Variants in AOPEP observed in about 807,000 individuals in gnomAD.
The protein encoded by AOPEP is aminopeptidase O.
AOPEP carries 77 observed loss-of-function variants against 98.1 expected under a neutral mutation model. That is an observed-to-expected ratio of 0.78 (90% confidence interval 0.65 to 0.95). AOPEP has a LOEUF of 0.95. Among genes scored for constraint, AOPEP ranks in the 40% least tolerant of loss-of-function variants. AOPEP has a pLI of 0.00. For missense variants in AOPEP, 1,024 were observed against 1,024.7 expected (o/e 1.00, Z 0.01); for synonymous variants, 346 against 365.3 (o/e 0.95, Z 0.60).
At position 94,794,009 on chromosome 9, in the gene AOPEP, C is replaced by T. The variant is rs554967309; in HGVS notation, c.1118+1091C>T. On this transcript the variant is annotated intron_variant, in intron 4 of 16. Transcript: ENST00000375315. ...CATCTCCCTCAGTGGGGCTAGTCGCCGCTTTAGGAGCACAGGACACAAGGA... is the reference window on the plus strand; with the variant it reads ...CATCTCCCTCAGTGGGGCTAGTCGCTGCTTTAGGAGCACAGGACACAAGGA... 7.9e-5 allele frequency among the ~76,000 whole-genome samples: 12 copies of T among 152,308 alleles called. No homozygotes were observed. The East Asian group carries it at 1.7e-3, about 22-fold the overall frequency.
chr9:94,822,009 A>ACACACACACACACACACG (rs1554726861), intron 5 of AOPEP, among the ~76,000 whole-genome samples: 4 of 149,770 alleles, frequency 2.7e-5, no homozygotes, highest in African/African-American at 9.8e-5. Context: ...ACACACACAC[A>ACACACACACACACACACG]CACGCAGGCA....
chr9:94,785,465 A>G (rs1017001348), intron 3 of AOPEP, among the ~76,000 whole-genome samples: 13 of 152,222 alleles, frequency 8.5e-5, no homozygotes, highest in Non-Finnish European at 4.4e-5. Flanking sequence ...ATACAGTCCA[A>G]TAGGAGAAAG....
intron 1 of AOPEP, among the ~76,000 whole-genome samples, chr9:94,738,576 A>G (rs1267261846): frequency 2.0e-5 from 3 of 152,072 alleles, no homozygotes; most frequent in African/African-American, 7.2e-5. Context: ...AAAAATTATT[A>G]TTATTATTTT....
At chr9:95,121,097 T>C in the AOPEP span, among the ~76,000 whole-genome samples, 1 of 152,318 alleles carries the variant, frequency 6.6e-6, no homozygotes, top group South Asian at 2.1e-4. Context: ...TGCCTTCAAA[T>C]AGATTTTTAA....
In AOPEP at chr9:95,028,070, G is replaced by A. The variant is rs575829671; in HGVS notation, c.2115+22454G>A. 1.1e-4 allele frequency among the ~76,000 whole-genome samples: 16 copies of A among 152,308 alleles called. No homozygotes were observed. The South Asian group carries it at 3.3e-3, about 32-fold the overall frequency. The stretch of plus-strand genomic sequence containing the variant: ...GTCCAAATATTCTGAAGCGGGGCAT[G>A]CAGTCTGTCAAGAGGAAAAGATGAG... On this transcript the variant is annotated intron_variant, in intron 13 of 16. Transcript: ENST00000375315.
chr9:95,004,203 G>C (rs1255312528), intron 11 of AOPEP: 2 of 456,068 alleles, frequency 4.4e-6, no homozygotes, highest in Admixed American at 4.7e-5. Flanking sequence ...CTCACCGGCA[G>C]GCGGGTTCCA....
At chr9:95,077,403 C>T (rs1220376277) in intron 14 of AOPEP, among the ~76,000 whole-genome samples, 7 of 152,196 alleles carry the variant, frequency 4.6e-5, no homozygotes, top group Admixed American at 1.3e-4. Context: ...GTCGCCCCGC[C>T]AGGATGCTGC....
the AOPEP span, chr9:95,126,580 G>T: frequency 6.2e-7 from 1 of 1,613,994 alleles, no homozygotes; most frequent in South Asian, 1.1e-5. Flanking sequence ...GGCTGCTTGA[G>T]GCTGTAAAAG....
chr9:94,854,176 G>A (rs2043902955), intron 5 of AOPEP, among the ~76,000 whole-genome samples: 1 of 152,188 alleles, frequency 6.6e-6, no homozygotes, highest in Non-Finnish European at 1.5e-5. Flanking sequence ...AGAATATGGT[G>A]GACGGCAGTA....
At chr9:94,937,701 T>C (rs2056472192) in intron 7 of AOPEP, among the ~76,000 whole-genome samples, 1 of 151,682 alleles carries the variant, frequency 6.6e-6, no homozygotes, top group Admixed American at 6.6e-5. Flanking sequence ...ACAGATTGCA[T>C]TGCCTTCCCA....
the AOPEP span, among the ~76,000 whole-genome samples, chr9:95,108,442 T>C: frequency 6.6e-6 from 1 of 152,212 alleles, no homozygotes; most frequent in Non-Finnish European, 1.5e-5. Context: ...ATCTGTTTTT[T>C]CTCTTGACCC....
At chr9:95,003,151 T>C (rs1156787421) in intron 11 of AOPEP, among the ~76,000 whole-genome samples, 1 of 149,696 alleles carries the variant, frequency 6.7e-6, no homozygotes, top group Non-Finnish European at 1.5e-5. Flanking sequence ...AATGTGTGTG[T>C]GTGTGTGTGT....
At chr9:94,871,014 C>T (rs1241118396) in intron 5 of AOPEP, among the ~76,000 whole-genome samples, 1 of 152,164 alleles carries the variant, frequency 6.6e-6, no homozygotes, top group Non-Finnish European at 1.5e-5. Flanking sequence ...CTTTCCACTC[C>T]TTTTTCAGCC....
intron 5 of AOPEP, among the ~76,000 whole-genome samples, chr9:94,849,154 G>T (rs2043220886): frequency 6.6e-6 from 1 of 152,216 alleles, no homozygotes; most frequent in South Asian, 2.1e-4. Context: ...AGTAAGGAGA[G>T]AAAGTGTGTC....
intron 9 of AOPEP, among the ~76,000 whole-genome samples, chr9:94,966,149 A>T (rs2059184730): frequency 6.7e-6 from 1 of 149,840 alleles, no homozygotes; most frequent in African/African-American, 2.5e-5. Context: ...TTCGGTCTGC[A>T]GTTCACTGGG....
chr9:94,850,798 G>A (rs1242804575), intron 5 of AOPEP, among the ~76,000 whole-genome samples: 1 of 152,202 alleles, frequency 6.6e-6, no homozygotes, highest in East Asian at 1.9e-4. Flanking sequence ...AGTTCATCCT[G>A]GTTCATCTAA....
At chr9:94,760,861 C>T in intron 2 of AOPEP, 1 of 274,704 alleles carries the variant, frequency 3.6e-6, no homozygotes, top group Admixed American at 4.7e-5. Context: ...AAATCCTGAG[C>T]CTCGCTCTCC....
intron 2 of AOPEP, 195 bp downstream of exon 2, chr9:94,760,775 C>T: frequency 6.9e-6 from 3 of 434,930 alleles, no homozygotes; most frequent in Non-Finnish European, 8.1e-6. Context: ...GGATTAGCTC[C>T]CTTAAGTCAG....
intron 11 of AOPEP, among the ~76,000 whole-genome samples, chr9:94,999,271 C>T (rs2061418746): frequency 1.3e-5 from 2 of 151,634 alleles, no homozygotes; most frequent in African/African-American, 4.8e-5. Flanking sequence ...AAAAATGAAG[C>T]AACATGAAAA....
Sources: allele counts gnomAD v4.1 joint callset (sites outside exome capture counted in the v4.1 genomes callset), GRCh38; gene constraint gnomAD v4.1.1; transcripts MANE v1.5; gene names NCBI Gene and HGNC (gene_info 2026-07-23, HGNC 2026-07-21).